Variants in IMMP2L observed in about 807,000 individuals in gnomAD.
IMMP2L encodes the protein mitochondrial inner membrane protease subunit 2.
In IMMP2L, 18 loss-of-function variants were observed where a neutral mutation model predicts 19.3. That is an observed-to-expected ratio of 0.93 (90% CI 0.64 to 1.38). IMMP2L has a LOEUF of 1.38. Ranked by LOEUF, IMMP2L falls within the 40% of genes most tolerant of loss-of-function variation. The pLI is 0.00. For synonymous variants in IMMP2L, 76 were observed against 73.0 expected, an observed-to-expected ratio of 1.04 and a Z score of -0.21; for missense variants, 233 against 218.2, an observed-to-expected ratio of 1.07 and a Z score of -0.43.
At chr7:110,815,110 G>A (rs565834791) in intron 5 of IMMP2L, among the ~76,000 whole-genome samples, 6 of 152,148 alleles carry the variant, frequency 3.9e-5, no homozygotes, top group African/African-American at 9.6e-5. Flanking sequence ...GTTTGTCATA[G>A]ATAGCTCCTA....
rs183336283 is a variant in IMMP2L at position 111,409,578 on chromosome 7, T to C, written c.239+77660A>G. Among the ~76,000 whole-genome samples, 60 of 151,854 alleles carry C rather than the reference T, an allele frequency of 4.0e-4. 1 individual carries two copies. In the East Asian group the frequency reaches 0.011, roughly 28 times the overall value. On this transcript the variant is annotated intron_variant, in intron 3 of 5. Coordinates refer to ENST00000405709, the MANE Select transcript of IMMP2L (RefSeq NM_032549.4). ...AAACCTGAGAGTTTTTTTTAAGACATCAGTATAACCTTGGTTAAATAATCT... is the reference window on the plus strand; with the variant it reads ...AAACCTGAGAGTTTTTTTTAAGACACCAGTATAACCTTGGTTAAATAATCT...
At chr7:111,028,634 T>C (rs1275375323) in intron 3 of IMMP2L, among the ~76,000 whole-genome samples, 2 of 152,174 alleles carry the variant, frequency 1.3e-5, no homozygotes, top group African/African-American at 4.8e-5. Context: ...ATAAACTATG[T>C]TGAATTTCAA....
intron 1 of IMMP2L, among the ~76,000 whole-genome samples, chr7:111,522,938 T>TATATATATATA (rs199823915): frequency 6.0e-5 from 9 of 148,814 alleles, no homozygotes; most frequent in African/African-American, 1.5e-4. Context: ...TATATATATA[T>TATATATATATA]TATTTCACCA....
intron 3 of IMMP2L, among the ~76,000 whole-genome samples, chr7:111,389,974 G>A (rs1011746089): frequency 1.3e-5 from 2 of 152,138 alleles, no homozygotes; most frequent in African/African-American, 4.8e-5. Context: ...TTAGAAAGAT[G>A]ATGTACATTG....
chr7:110,912,007 AT>A (rs1272578327), intron 4 of IMMP2L, among the ~76,000 whole-genome samples: 1 of 152,096 alleles, frequency 6.6e-6, no homozygotes, highest in African/African-American at 2.4e-5. Flanking sequence ...TTAAAAAAAT[AT>A]TGATCAGGCA....
intron 3 of IMMP2L, among the ~76,000 whole-genome samples, chr7:111,229,082 T>C (rs1410277427): frequency 6.6e-6 from 1 of 151,708 alleles, no homozygotes; most frequent in East Asian, 1.9e-4. Flanking sequence ...GGATTTTACA[T>C]ACCAACAATT....
intron 3 of IMMP2L, among the ~76,000 whole-genome samples, chr7:111,360,895 T>C (rs1194205370): frequency 6.6e-6 from 1 of 152,252 alleles, no homozygotes; most frequent in East Asian, 1.9e-4. Flanking sequence ...TATATAGTTA[T>C]TTTTCATAAA....
intron 3 of IMMP2L, among the ~76,000 whole-genome samples, chr7:111,260,866 C>G (rs539395219): frequency 5.5e-4 from 84 of 151,954 alleles, no homozygotes; most frequent in Non-Finnish European, 7.9e-4. Context: ...AAAAACAGAC[C>G]AGCTTAAATT....
chr7:110,887,591 CAAA>C (rs11341899), intron 4 of IMMP2L, among the ~76,000 whole-genome samples: 35 of 141,876 alleles, frequency 2.5e-4, no homozygotes, highest in African/African-American at 7.0e-4. Context: ...CTTTTTATAG[CAAA>C]AAAAAAAAAA....
At chr7:111,114,464 A>G (rs214876) in intron 3 of IMMP2L, among the ~76,000 whole-genome samples, 135,792 of 152,140 alleles carry the variant, frequency 0.89, 60,688 homozygotes, top group Non-Finnish European at 0.92. Flanking sequence ...TTGGCTGGGC[A>G]CAGTGACCCA....
Position 111,504,327 on chromosome 7 carries a change from T to C in IMMP2L, c.135+16986A>G, listed in dbSNP as rs375096121. On this transcript the variant is annotated intron_variant, in intron 2 of 5. Coordinates refer to ENST00000405709, the MANE Select transcript of IMMP2L (RefSeq NM_032549.4). ...CTGCTCAATGAAATAAAAGAGGATA[T>C]AAACAAATGGAAGGGCATTCCATGC... 2.0e-5 allele frequency among the ~76,000 whole-genome samples: 3 copies of C among 151,940 alleles called. 1 individual carries two copies. Among genetic ancestry groups the C allele is most frequent in the South Asian group, 4.2e-4 (2 of 4,800 alleles).
chr7:110,967,746 A>C (rs1046964847), intron 3 of IMMP2L, among the ~76,000 whole-genome samples: 6 of 152,138 alleles, frequency 3.9e-5, no homozygotes, highest in Non-Finnish European at 8.8e-5. Flanking sequence ...CTAAAGGATA[A>C]AGCATGCATT....
intron 3 of IMMP2L, among the ~76,000 whole-genome samples, chr7:111,274,585 G>A (rs1205860595): frequency 1.3e-5 from 2 of 152,130 alleles, no homozygotes; most frequent in African/African-American, 2.4e-5. Flanking sequence ...TTGTCCCTTA[G>A]AGGACTGTTG....
chr7:111,281,142 GAAAGACAGAAAGACAGAAAGAAAGAA>G (rs1819690083), intron 3 of IMMP2L, among the ~76,000 whole-genome samples: 1 of 84,952 alleles, frequency 1.2e-5, no homozygotes, highest in East Asian at 3.2e-4. Context: ...GAGAAAGACA[GAAAGACAGAAAGACAGAAAGAAAGAA>G]AGAAAGAAAG....
chr7:110,946,172 C>G (rs938156439), intron 4 of IMMP2L, among the ~76,000 whole-genome samples: 1 of 152,104 alleles, frequency 6.6e-6, no homozygotes, highest in Non-Finnish European at 1.5e-5. Context: ...CCAAAGTTTC[C>G]GATTCAAAGT....
chr7:110,879,093 T>C (rs1045060310), intron 5 of IMMP2L, among the ~76,000 whole-genome samples: 1 of 152,102 alleles, frequency 6.6e-6, no homozygotes, highest in African/African-American at 2.4e-5. Context: ...TATGCAGTTA[T>C]GAGAAACAGT....
At chr7:110,751,632 C>T (rs1459138743) in intron 5 of IMMP2L, among the ~76,000 whole-genome samples, 1 of 151,936 alleles carries the variant, frequency 6.6e-6, no homozygotes, top group Non-Finnish European at 1.5e-5. Flanking sequence ...AGGTAGCTGC[C>T]TCACAGCTGT....
At chr7:111,485,883 G>A (rs1193708036) in intron 3 of IMMP2L, among the ~76,000 whole-genome samples, 2 of 151,528 alleles carry the variant, frequency 1.3e-5, no homozygotes, top group African/African-American at 2.4e-5. Flanking sequence ...TGTTTCTCAC[G>A]GGAAAAAAAA....
At chr7:110,954,187 T>C (rs1490519472) in intron 4 of IMMP2L, among the ~76,000 whole-genome samples, 1 of 152,104 alleles carries the variant, frequency 6.6e-6, no homozygotes, top group Non-Finnish European at 1.5e-5. Flanking sequence ...AGAAGGAGGC[T>C]ACAGATCTCC....
Sources: gnomAD v4.1 joint callset for allele counts (sites outside exome capture counted in the v4.1 genomes callset) on GRCh38, gnomAD v4.1.1 for gene constraint, MANE v1.5 for transcripts, NCBI Gene and HGNC (gene_info 2026-07-23, HGNC 2026-07-21) for gene names.